Variants in OTOR observed in about 807,000 individuals in gnomAD.
The protein encoded by OTOR is otoraplin.
OTOR carries 20 observed loss-of-function variants against 15.9 expected under a neutral mutation model. That is an observed-to-expected ratio of 1.26 (90% confidence interval 0.89 to 1.83). The LOEUF is 1.83. Among genes scored for constraint, OTOR ranks in the 40% most tolerant of loss-of-function variants. The pLI is 0.00. For missense variants in OTOR, 184 were observed against 159.0 expected (o/e 1.16, Z -0.85); for synonymous variants, 53 against 54.2 (o/e 0.98, Z 0.09).
At chr20:16,748,748 G>A (rs1033660362) in intron 1 of OTOR, 119 bp from the exon 2 acceptor site, 298 of 805,566 alleles carry the variant, frequency 3.7e-4, no homozygotes, top group Non-Finnish European at 5.1e-4. Flanking sequence ...ATAGACACCA[G>A]CTATGAACTG....
Position 16,748,879 on chromosome 20 carries a change from TG to T in OTOR, c.130del (p.Ala44LeufsTer30), listed in dbSNP as rs2072509750. 1 of 1,580,372 alleles carries T rather than the reference TG, an allele frequency of 6.3e-7. No homozygotes were observed. Among genetic ancestry groups the T allele is most frequent in the Non-Finnish European group, 8.5e-7 (1 of 1,170,162 alleles). ...TTTTTTCTTCCAGATACTATTTCTC[TG>T]GCTAGTGCTCAAGAAGATTATAATG... ...ADDECVYTIS[L>X]ASAQEDYNAP... On this transcript the variant is annotated frameshift_variant, in exon 2 of 4. Transcript: ENST00000246081. LOFTEE classifies it high-confidence loss of function.
intron 2 of OTOR, 110 bp downstream of exon 2, chr20:16,749,116 A>T (rs912915927): frequency 1.2e-5 from 8 of 677,532 alleles, no homozygotes; most frequent in African/African-American, 1.9e-5. Context: ...CCATGTAGTG[A>T]TTGTAGATGG....
At position 16,748,848 on chromosome 20, in the gene OTOR, T is replaced by TA. The variant is rs2072509481; in HGVS notation, c.116-16dup. On this transcript the variant is annotated intron_variant, in intron 1 of 3. Transcript: ENST00000246081. ...TTCAGGAGCCTAAAATGTAATCATT[T>TA]AAATTTTTTTTCTTCCAGATACTAT... The TA allele has an allele frequency of 6.4e-7, 1 of 1,551,104 alleles. No homozygotes were observed.
chr20:16,750,064 C>A, intron 3 of OTOR, 54 bp downstream of exon 3: 2 of 1,206,270 alleles, frequency 1.7e-6, no homozygotes, highest in Non-Finnish European at 2.4e-6. Flanking sequence ...GCAATGTAGG[C>A]CGGTGTTAAA....
intron 3 of OTOR, among the ~76,000 whole-genome samples, chr20:16,750,403 T>TGTG (rs1555819704): frequency 2.0e-5 from 3 of 148,320 alleles, no homozygotes; most frequent in East Asian, 2.0e-4. Context: ...ATAGTTACCT[T>TGTG]TGTGTGTGTG....
rs1174656313 is a variant in OTOR, at chr20:16,748,497, T to A, written c.96T>A (p.Cys32Ter). The A allele has an allele frequency of 6.2e-7, 1 of 1,605,304 alleles. No individual in the cohort carries two copies. Among genetic ancestry groups the A allele is most frequent in the Non-Finnish European group, 8.5e-7 (1 of 1,171,950 alleles). The stretch of plus-strand genomic sequence containing the variant: ...ACCGTCTAGCTTCCAAGAAGCTCTG[T>A]GCAGATGATGAGTGTGTCTGTAAGG... Reference protein sequence around the residue: ...FMDRLASKKLCADDECVYTIS... With the variant: ...FMDRLASKKL The change falls in exon 1 of 4, where the codon TGT becomes TGA. Residue 32 changes from cysteine to a stop codon, truncating the protein, a stop_gained. Transcript: ENST00000246081. LOFTEE classifies it high-confidence loss of function.
chr20:16,749,838 T>C, intron 2 of OTOR, 65 bp from the exon 3 acceptor site: 1 of 1,095,754 alleles, frequency 9.1e-7, no homozygotes, highest in Non-Finnish European at 1.4e-6. Context: ...AGAGGACGCC[T>C]GCGAGTTTCT....
intron 3 of OTOR, 54 bp from the exon 4 acceptor site, chr20:16,751,041 T>C (rs1031672600): frequency 2.9e-6 from 4 of 1,386,570 alleles, no homozygotes; most frequent in Admixed American, 5.1e-5. Context: ...CTACATCTGT[T>C]TTTTTAGCCT....
At chr20:16,749,062 C>A (rs6135877) in intron 2 of OTOR, 56 bp downstream of exon 2, 1 of 1,311,072 alleles carries the variant, frequency 7.6e-7, no homozygotes, top group Non-Finnish European at 1.0e-6. Context: ...TCCTTGATTA[C>A]CTACCTTCAA....
At position 16,748,969 on chromosome 20, in the gene OTOR, T is replaced by G. The variant is rs756547756; in HGVS notation, c.218T>G (p.Val73Gly). 6.8e-6 allele frequency: 11 copies of G among 1,610,372 alleles called. No homozygotes were observed. Among genetic ancestry groups the G allele is most frequent in the Non-Finnish European group, 9.3e-6 (11 of 1,178,958 alleles). The change falls in exon 2 of 4, where the codon GTA becomes GGA. Residue 73 changes from valine to glycine, a missense_variant. Transcript: ENST00000246081. ...GQQIYVYSKL[V>G]KENGAGEFWA... Reference sequence around the variant, plus strand: ...CAGATCTATGTGTACTCAAAGCTGGTAAAAGAAAATGGAGCTGGAGAATTT... The same window carrying G: ...CAGATCTATGTGTACTCAAAGCTGGGAAAAGAAAATGGAGCTGGAGAATTT...
In OTOR at chr20:16,751,146, G is replaced by T. The variant is rs1468521355; in HGVS notation, c.*28G>T. ...AATTAGTTAAAACTGCAAATAGAAA[G>T]AAAACACCAAAAATAAAGAAAAGAG... On this transcript the variant is annotated 3_prime_UTR_variant, in exon 4 of 4. Transcript: ENST00000246081. 3 of 1,467,684 alleles carry T rather than the reference G, an allele frequency of 2.0e-6. No homozygotes were observed. The highest frequency in any genetic ancestry group is 2.9e-5 in the African/African-American group (2 of 69,830). 90.9% of individuals were successfully genotyped at this position (1,467,684 alleles called of 1,614,324 possible).
At position 16,750,582 on chromosome 20, in the gene OTOR, A is replaced by G. The variant is rs147865903; in HGVS notation, c.364-513A>G. On this transcript the variant is annotated intron_variant, in intron 3 of 3. Transcript: ENST00000246081. ...CTTACAGATGGTTTTCACTAAAGATAGGCTGAAAAAAAATTATTATGTTTT... is the reference window on the plus strand; with the variant it reads ...CTTACAGATGGTTTTCACTAAAGATGGGCTGAAAAAAAATTATTATGTTTT... 3.2e-4 allele frequency among the ~76,000 whole-genome samples: 48 copies of G among 152,370 alleles called. No individual in the cohort carries two copies. The East Asian group carries it at 8.1e-3, about 26-fold the overall frequency.
rs571138871 is a variant in OTOR, at chr20:16,750,975, CT to C, written c.364-117del. ...TATTTCATATTTTTTGGGGGTCAAC[CT>C]TTACTTACTTTAAATCCAAATTTCT... On this transcript the variant is annotated intron_variant, in intron 3 of 3. Coordinates refer to ENST00000246081, the MANE Select transcript of OTOR (RefSeq NM_020157.4). The C allele has an allele frequency of 1.1e-3, 808 of 766,638 alleles. 1 individual carries two copies. The highest frequency in any genetic ancestry group is 1.5e-3 in the Admixed American group (43 of 29,164). 47.5% of individuals were successfully genotyped at this position (766,638 alleles called of 1,614,324 possible). A position where few individuals can be genotyped will look rare whatever the true frequency, so the allele number is the denominator to read the frequency against.
At position 16,748,967 on chromosome 20, in the gene OTOR, G is replaced by A. The variant is rs550984908; in HGVS notation, c.216G>A (p.Leu72=). 3.1e-6 allele frequency: 5 copies of A among 1,609,872 alleles called. No homozygotes were observed. The South Asian group carries it at 5.5e-5, about 18-fold the overall frequency. Residue 72 remains leucine (L), a synonymous_variant, in exon 2 of 4, where the codon CTG becomes CTA. Coordinates refer to ENST00000246081, the MANE Select transcript of OTOR (RefSeq NM_020157.4). ...KGQQIYVYSK[L]VKENGAGEFW... ...AGCAGATCTATGTGTACTCAAAGCTGGTAAAAGAAAATGGAGCTGGAGAAT... is the reference window on the plus strand; with the variant it reads ...AGCAGATCTATGTGTACTCAAAGCTAGTAAAAGAAAATGGAGCTGGAGAAT...
Position 16,748,360 on chromosome 20 carries a change from C to T in OTOR, c.-42C>T, listed in dbSNP as rs761854192. The stretch of plus-strand genomic sequence containing the variant: ...AGGCAGGAACCACTGAAGTCAGTCC[C>T]CGCTTCCAGTCAGAGTTCAAGTTAA... On this transcript the variant is annotated 5_prime_UTR_variant, in exon 1 of 4. Transcript: ENST00000246081. 1.9e-5 allele frequency: 26 copies of T among 1,358,684 alleles called. No homozygotes were observed. In the African/African-American group the frequency reaches 3.7e-4, roughly 19 times the overall value. The allele number at this position is 1,358,684 out of a possible 1,614,324, so 84.2% of individuals were successfully genotyped here.
chr20:16,749,624 C>T (rs1335067550), intron 2 of OTOR: 2 of 392,626 alleles, frequency 5.1e-6, no homozygotes, highest in Non-Finnish European at 9.1e-6. Context: ...TTTATGGGTT[C>T]AAAAAAGATT....
In OTOR at chr20:16,751,828, T is replaced by C. The variant is rs1440583389; in HGVS notation, c.*710T>C. ...TAGGGGAAGGTAGTTTATGGAAATATTTTTAATGGAATAGTTTTCCCTTAA... is the reference window on the plus strand; with the variant it reads ...TAGGGGAAGGTAGTTTATGGAAATACTTTTAATGGAATAGTTTTCCCTTAA... On this transcript the variant is annotated 3_prime_UTR_variant, in exon 4 of 4. Coordinates refer to ENST00000246081, the MANE Select transcript of OTOR (RefSeq NM_020157.4). The C allele has an allele frequency of 3.3e-5, 5 of 152,196 alleles. No homozygotes were observed. The highest frequency in any genetic ancestry group is 1.2e-4 in the African/African-American group (5 of 41,454). 9.4% of individuals were successfully genotyped at this position (152,196 alleles called of 1,614,324 possible). A position where few individuals can be genotyped will look rare whatever the true frequency, so the allele number is the denominator to read the frequency against.
intron 2 of OTOR, chr20:16,749,681 C>A: frequency 2.0e-6 from 1 of 490,846 alleles, no homozygotes; most frequent in Non-Finnish European, 3.6e-6. Flanking sequence ...GCTAAAGTAG[C>A]GAAATAAGAC....
At chr20:16,750,491 T>A (rs146579492) in intron 3 of OTOR, among the ~76,000 whole-genome samples, 1 of 151,970 alleles carries the variant, frequency 6.6e-6, no homozygotes, top group East Asian at 1.9e-4. Flanking sequence ...CTCTTTTGTT[T>A]TAGATGCAAG....
Sources: allele counts gnomAD v4.1 joint callset (sites outside exome capture counted in the v4.1 genomes callset), GRCh38; gene constraint gnomAD v4.1.1; transcripts MANE v1.5; gene names NCBI Gene and HGNC (gene_info 2026-07-23, HGNC 2026-07-21).